Variants in RNF146 observed in about 807,000 individuals in gnomAD.
The protein encoded by RNF146 is E3 ubiquitin-protein ligase RNF146.
In RNF146, 11 loss-of-function variants were observed where a neutral mutation model predicts 29.7. The ratio of observed to expected loss-of-function variants is 0.37; its 90% CI spans 0.23 to 0.61. The LOEUF (loss-of-function observed/expected upper bound fraction) is 0.61, where lower values mean the gene tolerates loss of function less well. Among genes scored for constraint, RNF146 ranks in the 20% least tolerant of loss-of-function variants. The probability of loss-of-function intolerance (pLI) is 0.66; values close to 1 mark genes in which losing one functional copy is unlikely to be tolerated. For synonymous variants in RNF146, 150 were observed against 159.7 expected, an observed-to-expected ratio of 0.94 and a Z score of 0.46; for missense variants, 342 against 438.9, an observed-to-expected ratio of 0.78 and a Z score of 1.97.
chr6:127,284,032 C>T (rs1779221833), intron 2 of RNF146, among the ~76,000 whole-genome samples: 1 of 151,644 alleles, frequency 6.6e-6, no homozygotes, highest in African/African-American at 2.4e-5. Flanking sequence ...AAGAGTCATG[C>T]AAAATATTAA....
Position 127,280,436 on chromosome 6 carries a change from A to G in RNF146, c.2+96A>G, listed in dbSNP as rs1028118047. On this transcript the variant is annotated intron_variant, in intron 2 of 2. Transcript: ENST00000368314. ...TGAGTATCTGTCATATGTAGTTTTAATTATATTAAATGAGCATTTTCTTTT... is the reference window on the plus strand; with the variant it reads ...TGAGTATCTGTCATATGTAGTTTTAGTTATATTAAATGAGCATTTTCTTTT... 7 of 1,415,682 alleles carry G rather than the reference A, an allele frequency of 4.9e-6. No homozygotes were observed. In the Admixed American group the frequency reaches 1.1e-4, roughly 23 times the overall value. 87.7% of individuals were successfully genotyped at this position (1,415,682 alleles called of 1,614,324 possible). A position where few individuals can be genotyped will look rare whatever the true frequency, so the allele number is the denominator to read the frequency against.
intron 1 of RNF146, among the ~76,000 whole-genome samples, chr6:127,267,674 C>G (rs775148358): frequency 6.6e-6 from 1 of 152,114 alleles, no homozygotes; most frequent in Admixed American, 6.5e-5. Flanking sequence ...CTAGTGAAGC[C>G]CAGCGCTGCA....
At chr6:127,271,668 A>G (rs1196724932) in intron 1 of RNF146, among the ~76,000 whole-genome samples, 1 of 152,226 alleles carries the variant, frequency 6.6e-6, no homozygotes, top group Non-Finnish European at 1.5e-5. Context: ...TAAAATACAC[A>G]CTGGATTTCA....
rs774206251 is a variant in RNF146 at position 127,286,748 on chromosome 6, T to A, written c.135T>A (p.Val45=). The change falls in exon 3 of 3, where the codon GTT becomes GTA. Residue 45 remains valine (V), a synonymous_variant. Transcript: ENST00000368314. The surrounding 1 kb of genome is among the most constrained non-coding windows in gnomAD (Gnocchi z 4.6). ...PECAICLQTC[V]HPVSLPCKHV... Reference sequence around the variant, plus strand: ...GTGCCATTTGTCTGCAAACATGTGTTCATCCAGTCAGTCTGCCCTGTAAGC... The same window carrying A: ...GTGCCATTTGTCTGCAAACATGTGTACATCCAGTCAGTCTGCCCTGTAAGC... 3.1e-6 allele frequency: 5 copies of A among 1,613,388 alleles called. No individual in the cohort carries two copies. The highest frequency in any genetic ancestry group is 4.2e-6 in the Non-Finnish European group (5 of 1,179,566).
Position 127,286,086 on chromosome 6 carries a change from C to A in RNF146, c.3-530C>A. 1 of 1,229,348 alleles carries A rather than the reference C, an allele frequency of 8.1e-7. No homozygotes were observed. Among genetic ancestry groups the A allele is most frequent in the South Asian group, 4.1e-5 (1 of 24,266 alleles). The allele number at this position is 1,229,348 out of a possible 1,614,324, so 76.2% of individuals were successfully genotyped here. ...TATTCATGTTATTTTCTCCTTTGGT[C>A]TTATATGATTGTTACCTTTATGAAG... On this transcript the variant is annotated intron_variant, in intron 2 of 2. Coordinates refer to ENST00000368314, the MANE Select transcript of RNF146 (RefSeq NM_001242850.2). This position sits in a 1 kb window ranked among gnomAD's most constrained non-coding sequence, Gnocchi z 4.6.
intron 1 of RNF146, among the ~76,000 whole-genome samples, chr6:127,273,060 A>G (rs1777718115): frequency 1.4e-5 from 1 of 69,882 alleles, no homozygotes; most frequent in African/African-American, 4.7e-5. Context: ...ACTTCTTGTA[A>G]TGGCATGACT....
intron 1 of RNF146, 130 bp from the exon 2 acceptor site, chr6:127,280,101 T>C (rs9372862): frequency 0.11 from 53,373 of 504,866 alleles, 8,103 homozygotes; most frequent in East Asian, 0.56. Flanking sequence ...TGAATAGCAG[T>C]GGTAAAAGCA....
intron 2 of RNF146, among the ~76,000 whole-genome samples, chr6:127,283,986 A>T (rs1225203584): frequency 1.3e-5 from 2 of 151,752 alleles, no homozygotes; most frequent in African/African-American, 4.8e-5. Context: ...TTAGTTTTGA[A>T]ATTATGTGTT....
intron 1 of RNF146, among the ~76,000 whole-genome samples, chr6:127,271,103 C>T (rs768485384): frequency 2.6e-4 from 39 of 152,106 alleles, no homozygotes; most frequent in Non-Finnish European, 4.4e-4. Context: ...CGTGAGCCAC[C>T]GCACCTGGCC....
rs1276982802 is a variant in RNF146 at position 127,288,472 on chromosome 6, CCTG to C, written c.*782_*784del. On this transcript the variant is annotated 3_prime_UTR_variant, in exon 3 of 3. Transcript: ENST00000368314. Reference sequence around the variant, plus strand: ...TAATTGGTTGTTTTCAGCTTAATCACCTGCTCAGAAAAGTTTGATTTTTTTCTT... The same window carrying C: ...TAATTGGTTGTTTTCAGCTTAATCACCTCAGAAAAGTTTGATTTTTTTCTT... 6.0e-6 allele frequency: 1 copy of C among 166,866 alleles called. No individual in the cohort carries two copies. Among genetic ancestry groups the C allele is most frequent in the African/African-American group, 2.4e-5 (1 of 41,392 alleles). 10.3% of individuals were successfully genotyped at this position (166,866 alleles called of 1,614,324 possible).
chr6:127,272,283 C>T (rs1432626437), intron 1 of RNF146, among the ~76,000 whole-genome samples: 2 of 152,068 alleles, frequency 1.3e-5, no homozygotes, highest in Non-Finnish European at 2.9e-5. Flanking sequence ...TTCTGTAGGT[C>T]TAGGGTGGCA....
At chr6:127,279,805 G>A (rs1582885635) in intron 1 of RNF146, among the ~76,000 whole-genome samples, 1 of 151,782 alleles carries the variant, frequency 6.6e-6, no homozygotes, top group East Asian at 1.9e-4. Flanking sequence ...CACCTCCTGG[G>A]TTAAGTTGAT....
chr6:127,270,897 C>T (rs997877507), intron 1 of RNF146, among the ~76,000 whole-genome samples: 1 of 151,438 alleles, frequency 6.6e-6, no homozygotes, highest in Non-Finnish European at 1.5e-5. Context: ...CTCACTGCAA[C>T]CTCCACCTCC....
chr6:127,276,247 G>A (rs1351437015), intron 1 of RNF146, among the ~76,000 whole-genome samples: 2 of 152,014 alleles, frequency 1.3e-5, no homozygotes, highest in African/African-American at 4.8e-5. Flanking sequence ...TAATCAGGCT[G>A]AACAATAGTC....
At position 127,280,316 on chromosome 6, in the gene RNF146, CATCTGTGGG is replaced by C. The variant is rs1277438508; in HGVS notation, c.-16_-8del. ...GAAAATGCTTTATTTTTGTGGCAGG[CATCTGTGGG>C]ATCTGTAATAGAAATGTAAGTGTAG... On this transcript the variant is annotated 5_prime_UTR_variant, in exon 2 of 3. The change creates a premature stop within an existing upstream ORF in the 5' untranslated region. Transcript: ENST00000368314. 6.5e-6 allele frequency: 10 copies of C among 1,546,734 alleles called. No individual in the cohort carries two copies. Among genetic ancestry groups the C allele is most frequent in the Non-Finnish European group, 7.0e-6 (8 of 1,144,476 alleles).
chr6:127,282,913 A>C (rs866943783), intron 2 of RNF146, among the ~76,000 whole-genome samples: 1 of 151,848 alleles, frequency 6.6e-6, no homozygotes, highest in South Asian at 2.1e-4. Context: ...TTCTAAATTC[A>C]GACTTTAAAA....
At chr6:127,277,256 A>G (rs1778335548) in intron 1 of RNF146, among the ~76,000 whole-genome samples, 1 of 151,880 alleles carries the variant, frequency 6.6e-6, no homozygotes, top group Admixed American at 6.6e-5. Flanking sequence ...ATATATAGGG[A>G]GTGTATGAAA....
intron 1 of RNF146, among the ~76,000 whole-genome samples, chr6:127,276,113 A>G (rs1463738253): frequency 6.6e-6 from 1 of 151,878 alleles, no homozygotes; most frequent in Non-Finnish European, 1.5e-5. Context: ...AGCTATGATC[A>G]TGCCACAGCA....
intron 2 of RNF146, among the ~76,000 whole-genome samples, chr6:127,281,273 T>C (rs1562286822): frequency 6.6e-6 from 1 of 151,778 alleles, no homozygotes; most frequent in Non-Finnish European, 1.5e-5. Context: ...AATATATATT[T>C]TATTTAATCC....
Sources: gnomAD v4.1 joint callset for allele counts (sites outside exome capture counted in the v4.1 genomes callset) on GRCh38, gnomAD v4.1.1 for gene constraint, Gnocchi (gnomAD v3.1) non-coding constraint, MANE v1.5 for transcripts, NCBI Gene and HGNC (gene_info 2026-07-23, HGNC 2026-07-21) for gene names.